KCTD8: variants seen among roughly 807,000 people sequenced by gnomAD.
The protein encoded by KCTD8 is potassium channel tetramerization domain containing 8.
KCTD8 carries 27 observed loss-of-function variants against 31.5 expected under a neutral mutation model. The observed-to-expected ratio is 0.86, with a 90% CI of 0.63 to 1.18. The LOEUF is 1.18. Ranked by LOEUF, KCTD8 falls within the 50% of genes most tolerant of loss-of-function variation. The pLI, the probability that KCTD8 is intolerant of heterozygous loss-of-function variation, is 0.00. For synonymous variants in KCTD8, 290 were observed against 280.0 expected, an observed-to-expected ratio of 1.04 and a Z score of -0.36; for missense variants, 658 against 647.7, an observed-to-expected ratio of 1.02 and a Z score of -0.17.
At chr4:44,178,441 C>A (rs952938825) in intron 1 of KCTD8, among the ~76,000 whole-genome samples, 3 of 152,002 alleles carry the variant, frequency 2.0e-5, no homozygotes, top group Non-Finnish European at 4.4e-5. Flanking sequence ...TGAAATTCAA[C>A]ACCCTAATAC....
intron 1 of KCTD8, among the ~76,000 whole-genome samples, chr4:44,296,548 CTGTTA>C (rs1285331208): frequency 6.6e-6 from 1 of 151,918 alleles, no homozygotes; most frequent in African/African-American, 2.4e-5. Context: ...CATATCTGTT[CTGTTA>C]TTTTTGTAAA....
chr4:44,412,777 G>T (rs10028853), intron 1 of KCTD8, among the ~76,000 whole-genome samples: 129,593 of 152,154 alleles, frequency 0.85, 55,323 homozygotes, highest in South Asian at 0.9. Flanking sequence ...ACAATGATAC[G>T]TAAAAATTGA....
chr4:44,291,538 A>T (rs1717272758), intron 1 of KCTD8, among the ~76,000 whole-genome samples: 1 of 152,150 alleles, frequency 6.6e-6, no homozygotes, highest in Non-Finnish European at 1.5e-5. Context: ...AAAGCTAGGA[A>T]ATACCCTTCC....
chr4:44,257,137 A>G (rs1168587245), intron 1 of KCTD8, among the ~76,000 whole-genome samples: 1 of 151,928 alleles, frequency 6.6e-6, no homozygotes, highest in Non-Finnish European at 1.5e-5. Context: ...AGGTGCTGTT[A>G]ATGTCTGATC....
chr4:44,447,423 G>GTGTCTAC, intron 1 of KCTD8, 140 bp downstream of exon 1: 1 of 1,318,276 alleles, frequency 7.6e-7, no homozygotes, highest in South Asian at 1.8e-5. Flanking sequence ...TAAGGGAATC[G>GTGTCTAC]TGCAGGGAGA....
chr4:44,253,898 C>T (rs1409398551), intron 1 of KCTD8, among the ~76,000 whole-genome samples: 3 of 151,772 alleles, frequency 2.0e-5, no homozygotes, highest in African/African-American at 7.3e-5. Context: ...TGTAACCAAA[C>T]CCTAAAATAT....
At chr4:44,438,010 A>G (rs1331120599) in intron 1 of KCTD8, among the ~76,000 whole-genome samples, 1 of 152,120 alleles carries the variant, frequency 6.6e-6, no homozygotes, top group Non-Finnish European at 1.5e-5. Flanking sequence ...CACTGTAGCA[A>G]CTTTTCTTAT....
At chr4:44,181,443 T>TC (rs1281548518) in intron 1 of KCTD8, among the ~76,000 whole-genome samples, 1 of 152,208 alleles carries the variant, frequency 6.6e-6, no homozygotes, top group African/African-American at 2.4e-5. Flanking sequence ...AGACGGGGTT[T>TC]CGCTGTGTTG....
intron 1 of KCTD8, among the ~76,000 whole-genome samples, chr4:44,195,770 A>G (rs1294727333): frequency 6.6e-6 from 1 of 152,200 alleles, no homozygotes; most frequent in East Asian, 1.9e-4. Context: ...CCTGACTATT[A>G]CAACAGGGGA....
intron 1 of KCTD8, among the ~76,000 whole-genome samples, chr4:44,404,225 G>A (rs1199007417): frequency 1.3e-5 from 2 of 152,112 alleles, no homozygotes; most frequent in African/African-American, 4.8e-5. Flanking sequence ...GTCATATATG[G>A]CAGCCAGCTT....
At chr4:44,267,878 C>A (rs567561641) in intron 1 of KCTD8, among the ~76,000 whole-genome samples, 65 of 152,212 alleles carry the variant, frequency 4.3e-4, no homozygotes, top group East Asian at 1.2e-3. Flanking sequence ...CAATAACAGG[C>A]TCTTAAATTG....
intron 1 of KCTD8, among the ~76,000 whole-genome samples, chr4:44,285,291 C>T (rs974101312): frequency 6.6e-6 from 1 of 152,134 alleles, no homozygotes; most frequent in South Asian, 2.1e-4. Context: ...ACTATGCACC[C>T]ATAAAACAGA....
At chr4:44,250,757 G>A (rs987976314) in intron 1 of KCTD8, among the ~76,000 whole-genome samples, 5 of 151,654 alleles carry the variant, frequency 3.3e-5, no homozygotes, top group Non-Finnish European at 5.9e-5. Context: ...ATTTAATTGT[G>A]CTTTTTGTTC....
chr4:44,412,487 TCCA>T (rs1720985331), intron 1 of KCTD8, among the ~76,000 whole-genome samples: 1 of 152,178 alleles, frequency 6.6e-6, no homozygotes. Context: ...ATATAATTTC[TCCA>T]ATATGGGAAA....
At chr4:44,175,729 C>A (rs1328090751) in intron 1 of KCTD8, among the ~76,000 whole-genome samples, 2 of 152,126 alleles carry the variant, frequency 1.3e-5, no homozygotes, top group Non-Finnish European at 2.9e-5. Context: ...TACAAAGCTG[C>A]AGTATTCTCC....
At chr4:44,219,546 C>T (rs1307134337) in intron 1 of KCTD8, among the ~76,000 whole-genome samples, 1 of 152,076 alleles carries the variant, frequency 6.6e-6, no homozygotes, top group Admixed American at 6.5e-5. Context: ...AGTTATACAC[C>T]TGAAAGTCAA....
At chr4:44,236,744 A>G (rs1463688046) in intron 1 of KCTD8, among the ~76,000 whole-genome samples, 1 of 152,134 alleles carries the variant, frequency 6.6e-6, no homozygotes, top group Admixed American at 6.5e-5. Context: ...ACAGAATGAC[A>G]TGGTTTGGCT....
intron 1 of KCTD8, among the ~76,000 whole-genome samples, chr4:44,318,293 C>T (rs1718198176): frequency 6.6e-6 from 1 of 152,106 alleles, no homozygotes; most frequent in South Asian, 2.1e-4. Context: ...CAAAGTGGTG[C>T]AATGATAGCA....
At chr4:44,436,680 C>G (rs58814985) in intron 1 of KCTD8, among the ~76,000 whole-genome samples, 1 of 151,808 alleles carries the variant, frequency 6.6e-6, no homozygotes, top group African/African-American at 2.4e-5. Flanking sequence ...AAAAAAGAAA[C>G]AGACATGAAG....
Sources: allele counts gnomAD v4.1 joint callset (sites outside exome capture counted in the v4.1 genomes callset), GRCh38; gene constraint gnomAD v4.1.1; transcripts MANE v1.5; gene names NCBI Gene and HGNC (gene_info 2026-07-23, HGNC 2026-07-21).